The following ADAMTS2 variants were observed in gnomAD, a reference collection of about 807,000 sequenced individuals.
ADAMTS2 encodes the protein ADAM metallopeptidase with thrombospondin type 1 motif 2.
In ADAMTS2, 50 loss-of-function variants were observed where a neutral mutation model predicts 123.0. That is an observed-to-expected ratio of 0.41 (90% CI 0.32 to 0.51). ADAMTS2 has a LOEUF of 0.51. Ranked by LOEUF, ADAMTS2 falls within the 20% of genes least tolerant of loss-of-function variation. The pLI, the probability that ADAMTS2 is intolerant of heterozygous loss-of-function variation, is 0.35. For synonymous variants in ADAMTS2, 678 were observed against 695.4 expected, an observed-to-expected ratio of 0.98 and a Z score of 0.39; for missense variants, 1,494 against 1,705.2, an observed-to-expected ratio of 0.88 and a Z score of 2.18.
Position 179,303,942 on chromosome 5 carries a change from G to T in ADAMTS2, c.535-30878C>A, listed in dbSNP as rs553730397. On this transcript the variant is annotated intron_variant, in intron 2 of 21. Transcript: ENST00000251582. The surrounding 1 kb of genome is among the most constrained non-coding windows in gnomAD (Gnocchi z 4.7). ...AGAGACAGCAGAGCTTGGGGAACTGGCATCAGAAAGTTGGTTAGAAACTCC... is the reference window on the plus strand; with the variant it reads ...AGAGACAGCAGAGCTTGGGGAACTGTCATCAGAAAGTTGGTTAGAAACTCC... 2.0e-5 allele frequency among the ~76,000 whole-genome samples: 3 copies of T among 152,306 alleles called. No individual in the cohort carries two copies. The East Asian group carries it at 5.8e-4, about 29-fold the overall frequency.
chr5:179,138,057 G>C lies in ADAMTS2; in HGVS notation c.1776-113C>G, dbSNP rs556115008. 2.3e-4 allele frequency: 290 copies of C among 1,244,830 alleles called. 1 individual carries two copies. The African/African-American group carries it at 3.9e-3, about 17-fold the overall frequency. 77.1% of individuals were successfully genotyped at this position (1,244,830 alleles called of 1,614,324 possible). A position where few individuals can be genotyped will look rare whatever the true frequency, so the allele number is the denominator to read the frequency against. The stretch of plus-strand genomic sequence containing the variant: ...TCCCTAAGTCTCAGGTGTCCGGGGG[G>C]CAGCTCTGCTGAGCAAAGGGACCTT... On this transcript the variant is annotated intron_variant, in intron 11 of 21. Transcript: ENST00000251582.
chr5:179,251,528 T>C (rs13155737), intron 3 of ADAMTS2, among the ~76,000 whole-genome samples: 3 of 151,742 alleles, frequency 2.0e-5, no homozygotes, highest in Non-Finnish European at 4.4e-5. Flanking sequence ...GACACAAGAA[T>C]TGGCCTTCTG....
At chr5:179,329,121 A>G (rs944111718) in intron 2 of ADAMTS2, among the ~76,000 whole-genome samples, 2 of 152,098 alleles carry the variant, frequency 1.3e-5, no homozygotes, top group Non-Finnish European at 2.9e-5. Context: ...AGGTCAGGAG[A>G]TGGAGACCAT....
intron 2 of ADAMTS2, among the ~76,000 whole-genome samples, chr5:179,288,617 A>G (rs1175329690): frequency 1.3e-5 from 2 of 152,184 alleles, no homozygotes; most frequent in Non-Finnish European, 2.9e-5. Flanking sequence ...TAGAGCCAGG[A>G]CAGCAGCCGC....
intron 2 of ADAMTS2, among the ~76,000 whole-genome samples, chr5:179,298,259 G>A (rs1276932432): frequency 2.0e-5 from 3 of 152,098 alleles, no homozygotes; most frequent in Non-Finnish European, 4.4e-5. Context: ...GGCAGGCCTG[G>A]CCCTGCCAAG....
chr5:179,269,734 G>C (rs990893250), intron 3 of ADAMTS2, among the ~76,000 whole-genome samples: 1 of 152,192 alleles, frequency 6.6e-6, no homozygotes, highest in Admixed American at 6.5e-5. Flanking sequence ...ACACACACCA[G>C]AGAGGACAAT....
At chr5:179,253,900 C>T (rs1429898682) in intron 3 of ADAMTS2, among the ~76,000 whole-genome samples, 2 of 152,208 alleles carry the variant, frequency 1.3e-5, no homozygotes, top group Admixed American at 6.5e-5. Flanking sequence ...GCCTTTCTCT[C>T]TGGGGTGGGG....
chr5:179,203,354 C>T (rs893459211), intron 4 of ADAMTS2, among the ~76,000 whole-genome samples: 1 of 152,262 alleles, frequency 6.6e-6, no homozygotes, highest in African/African-American at 2.4e-5. Context: ...ACCTGCTCTA[C>T]AGCTCCAGAC....
Position 179,144,437 on chromosome 5 carries a change from A to G in ADAMTS2, c.1630-4402T>C, listed in dbSNP as rs556294471. Among the ~76,000 whole-genome samples the G allele has an allele frequency of 1.8e-4, 27 of 152,348 alleles. No individual in the cohort carries two copies. In the South Asian group the frequency reaches 5.4e-3, roughly 30 times the overall value. ...AGCTGCTCCTAAAATTCATATGGAAAGTCACAGGATGTAGAATAGCCAAAA... is the reference window on the plus strand; with the variant it reads ...AGCTGCTCCTAAAATTCATATGGAAGGTCACAGGATGTAGAATAGCCAAAA... On this transcript the variant is annotated intron_variant, in intron 10 of 21. Transcript: ENST00000251582.
intron 3 of ADAMTS2, among the ~76,000 whole-genome samples, chr5:179,236,459 G>T (rs1330271193): frequency 6.6e-6 from 1 of 152,166 alleles, no homozygotes; most frequent in Non-Finnish European, 1.5e-5. Flanking sequence ...TTAAGGTGGG[G>T]AACAAGAATG....
chr5:179,304,180 G>A (rs560093282), intron 2 of ADAMTS2, among the ~76,000 whole-genome samples: 51 of 152,088 alleles, frequency 3.4e-4, no homozygotes, highest in Non-Finnish European at 6.6e-4. Flanking sequence ...ACTTGCAGCC[G>A]GAACCCAATT....
In ADAMTS2 at chr5:179,333,757, GC is replaced by G. The variant is rs545450629; in HGVS notation, c.534+10009del. On this transcript the variant is annotated intron_variant, in intron 2 of 21. Transcript: ENST00000251582. ...TGGGACTACAGGCGTGTGCCACCAT[GC>G]CCAGCTAATTTTTGTATTTTTAATG... Among the ~76,000 whole-genome samples the G allele has an allele frequency of 6.6e-5, 10 of 151,936 alleles. No homozygotes were observed. The South Asian group carries it at 1.7e-3, about 25-fold the overall frequency.
intron 3 of ADAMTS2, among the ~76,000 whole-genome samples, chr5:179,265,200 G>A (rs887484545): frequency 1.3e-5 from 2 of 152,194 alleles, no homozygotes; most frequent in African/African-American, 4.8e-5. Context: ...CCAAGCCAGG[G>A]CCAAGGCCAC....
intron 2 of ADAMTS2, among the ~76,000 whole-genome samples, chr5:179,320,504 G>C (rs1218856599): frequency 6.9e-6 from 1 of 145,696 alleles, no homozygotes; most frequent in Non-Finnish European, 1.5e-5. Flanking sequence ...ATTTTTAGTA[G>C]AGACGAGGTT....
At position 179,272,830 on chromosome 5, in the gene ADAMTS2, C is replaced by T; in HGVS notation, c.688+81G>A. 2 of 1,535,766 alleles carry T rather than the reference C, an allele frequency of 1.3e-6. No homozygotes were observed. Among genetic ancestry groups the T allele is most frequent in the South Asian group, 2.4e-5 (2 of 84,080 alleles). On this transcript the variant is annotated intron_variant, in intron 3 of 21. Coordinates refer to ENST00000251582, the MANE Select transcript of ADAMTS2 (RefSeq NM_014244.5). The surrounding 1 kb of genome is among the most constrained non-coding windows in gnomAD (Gnocchi z 5.8). The stretch of plus-strand genomic sequence containing the variant: ...AGCCAAGCTGGTCTGTGGAGAGCTG[C>T]CTGAGTCTCTGGGATGCTCCCCTGG...
chr5:179,209,672 G>A (rs1011614131), intron 3 of ADAMTS2, among the ~76,000 whole-genome samples: 2 of 152,100 alleles, frequency 1.3e-5, no homozygotes, highest in Non-Finnish European at 2.9e-5. Flanking sequence ...AGGCCTGCGG[G>A]CAGGGCTGTG....
intron 2 of ADAMTS2, among the ~76,000 whole-genome samples, chr5:179,338,016 G>A (rs1757668626): frequency 6.6e-6 from 1 of 152,242 alleles, no homozygotes; most frequent in Non-Finnish European, 1.5e-5. Flanking sequence ...AGACATGGGG[G>A]ACAGGGAAGC....
intron 2 of ADAMTS2, among the ~76,000 whole-genome samples, chr5:179,330,273 G>A (rs115355451): frequency 0.012 from 1,811 of 152,284 alleles, 36 homozygotes; most frequent in African/African-American, 0.041. Flanking sequence ...GCAGGTTGGG[G>A]GAAGGCTGTG....
intron 2 of ADAMTS2, among the ~76,000 whole-genome samples, chr5:179,319,636 CT>C (rs1165817134): frequency 6.6e-6 from 1 of 151,996 alleles, no homozygotes; most frequent in African/African-American, 2.4e-5. Flanking sequence ...TTTATTTGGC[CT>C]TTTGCTTATT....
Sources: gnomAD v4.1 joint callset for allele counts (sites outside exome capture counted in the v4.1 genomes callset) on GRCh38, gnomAD v4.1.1 for gene constraint, Gnocchi (gnomAD v3.1) non-coding constraint, MANE v1.5 for transcripts, NCBI Gene and HGNC (gene_info 2026-07-23, HGNC 2026-07-21) for gene names.